Variants in MAF observed in about 807,000 individuals in gnomAD.
MAF encodes the protein transcription factor Maf.
A neutral mutation model predicts 22.0 loss-of-function variants in MAF; 10 were observed. That is an observed-to-expected ratio of 0.45 (90% CI 0.28 to 0.77). The LOEUF is 0.77. Among genes scored for constraint, MAF ranks in the 30% least tolerant of loss-of-function variants. MAF has a pLI of 0.12. For missense variants in MAF, 544 were observed against 548.4 expected (o/e 0.99, Z 0.08); for synonymous variants, 337 against 255.8 (o/e 1.32, Z -3.03).
the MAF span, among the ~76,000 whole-genome samples, chr16:79,383,921 A>G: frequency 6.6e-6 from 1 of 152,226 alleles, no homozygotes; most frequent in East Asian, 1.9e-4. Context: ...TTTCCCCCCA[A>G]AAGTACAAGA....
the MAF span, among the ~76,000 whole-genome samples, chr16:79,555,453 G>A: frequency 1.3e-5 from 2 of 152,168 alleles, no homozygotes; most frequent in South Asian, 2.1e-4. Context: ...AAAAAGCACC[G>A]ATTTTTAGTA....
At chr16:79,475,362 A>ATGTGTGTGTGTG in the MAF span, among the ~76,000 whole-genome samples, 52,080 of 148,528 alleles carry the variant, frequency 0.35, 10,448 homozygotes, top group Middle Eastern at 0.46. Context: ...ATGTATATAT[A>ATGTGTGTGTGTG]TGTGTGTGTG....
chr16:79,462,905 T>G, the MAF span, among the ~76,000 whole-genome samples: 22 of 152,298 alleles, frequency 1.4e-4, no homozygotes, highest in African/African-American at 5.1e-4. Flanking sequence ...TAGAAGTTCG[T>G]ATTTTGGGGT....
the MAF span, among the ~76,000 whole-genome samples, chr16:79,433,277 A>AAAT: frequency 4.2e-5 from 5 of 118,946 alleles, no homozygotes; most frequent in East Asian, 7.6e-4. Flanking sequence ...TAAAAAAAAA[A>AAAT]ATATATATAT....
chr16:79,332,117 TG>T, the MAF span, among the ~76,000 whole-genome samples: 1 of 152,148 alleles, frequency 6.6e-6, no homozygotes, highest in African/African-American at 2.4e-5. Context: ...TAGAATGAAT[TG>T]TCAGACAAGA....
At chr16:79,227,440 CTT>C in the MAF span, among the ~76,000 whole-genome samples, 1 of 152,204 alleles carries the variant, frequency 6.6e-6, no homozygotes, top group Non-Finnish European at 1.5e-5. Context: ...CTCCCTGTGA[CTT>C]TGGCCAGGTC....
the MAF span, among the ~76,000 whole-genome samples, chr16:79,392,095 G>C: frequency 4.0e-5 from 6 of 149,678 alleles, no homozygotes; most frequent in Non-Finnish European, 8.9e-5. Flanking sequence ...AAAGAAAAGA[G>C]AAAGAAGGAA....
At chr16:79,435,244 G>C in the MAF span, among the ~76,000 whole-genome samples, 1 of 146,572 alleles carries the variant, frequency 6.8e-6, no homozygotes, top group Non-Finnish European at 1.5e-5. Flanking sequence ...ACCTGCGACT[G>C]TGCACACACA....
chr16:79,492,823 T>C, the MAF span, among the ~76,000 whole-genome samples: 1 of 152,214 alleles, frequency 6.6e-6, no homozygotes, highest in Non-Finnish European at 1.5e-5. Flanking sequence ...ACTGGCAATA[T>C]TATTCTTTGG....
At chr16:79,249,802 C>T in the MAF span, among the ~76,000 whole-genome samples, 2 of 152,052 alleles carry the variant, frequency 1.3e-5, no homozygotes, top group Admixed American at 1.3e-4. Flanking sequence ...TAATTTACAA[C>T]TTGCAATTGC....
At chr16:79,238,946 G>T in the MAF span, among the ~76,000 whole-genome samples, 4 of 151,956 alleles carry the variant, frequency 2.6e-5, no homozygotes, top group African/African-American at 9.7e-5. Flanking sequence ...ACCAGGGGAA[G>T]TGAGGACTCC....
the MAF span, among the ~76,000 whole-genome samples, chr16:79,482,090 G>A: frequency 1.3e-5 from 2 of 152,198 alleles, no homozygotes; most frequent in Non-Finnish European, 1.5e-5. Context: ...TGTGAAAAGT[G>A]TTTGTAACTG....
chr16:79,222,884 C>G, the MAF span, among the ~76,000 whole-genome samples: 2 of 152,116 alleles, frequency 1.3e-5, no homozygotes, highest in Admixed American at 6.5e-5. Flanking sequence ...TCTTAAAGAC[C>G]TACAAAGAAA....
the MAF span, among the ~76,000 whole-genome samples, chr16:79,253,490 G>T: frequency 6.6e-6 from 1 of 152,138 alleles, no homozygotes; most frequent in Non-Finnish European, 1.5e-5. Flanking sequence ...GGCAGTTCCT[G>T]TGGCCTCCCT....
chr16:79,368,603 A>C, the MAF span, among the ~76,000 whole-genome samples: 1,608 of 152,230 alleles, frequency 0.011, 24 homozygotes, highest in African/African-American at 0.036. Context: ...GTCCTTTCCA[A>C]ACAGCCTCCA....
At chr16:79,458,109 A>AGTGTGTGTGTGTGTGTGT in the MAF span, among the ~76,000 whole-genome samples, 6,989 of 136,296 alleles carry the variant, frequency 0.051, 351 homozygotes, top group Non-Finnish European at 0.068. Context: ...GGTATGTATA[A>AGTGTGTGTGTGTGTGTGT]GTGTGTGTGT....
chr16:79,385,400 T>G, the MAF span, among the ~76,000 whole-genome samples: 3 of 152,258 alleles, frequency 2.0e-5, no homozygotes, highest in Admixed American at 6.5e-5. Flanking sequence ...TCATTTTTTA[T>G]GCATAAAATT....
the MAF span, among the ~76,000 whole-genome samples, chr16:79,230,695 G>A: frequency 2.0e-5 from 3 of 152,044 alleles, no homozygotes; most frequent in African/African-American, 7.2e-5. Flanking sequence ...TTGATGCATA[G>A]GCTTGCTACC....
At chr16:79,290,260 G>A in the MAF span, among the ~76,000 whole-genome samples, 81 of 152,280 alleles carry the variant, frequency 5.3e-4, no homozygotes, top group South Asian at 8.9e-3. Flanking sequence ...AGAGGGCAGA[G>A]GATGCCAACA....
Sources: gnomAD v4.1 joint callset for allele counts (sites outside exome capture counted in the v4.1 genomes callset) on GRCh38, gnomAD v4.1.1 for gene constraint, MANE v1.5 for transcripts, NCBI Gene and HGNC (gene_info 2026-07-23, HGNC 2026-07-21) for gene names.